Variants in DNTTIP2 observed in about 807,000 individuals in gnomAD.
DNTTIP2 encodes the protein deoxynucleotidyltransferase terminal-interacting protein 2.
Under a neutral mutation model 62.4 loss-of-function variants are expected in DNTTIP2, and 47 were observed. The observed-to-expected ratio is 0.75, with a 90% CI of 0.60 to 0.96. DNTTIP2 has a LOEUF of 0.96. DNTTIP2 is among the 40% of genes least tolerant of loss of function. The pLI, the probability that DNTTIP2 is intolerant of heterozygous loss-of-function variation, is 0.00. For synonymous variants in DNTTIP2, 322 were observed against 300.9 expected (o/e 1.07, Z -0.73); for missense variants, 870 against 849.1 (o/e 1.02, Z -0.31).
rs1474768997 is a variant in DNTTIP2 at position 93,867,728 on chromosome 1, CAGA to C, written c.*2120_*2122del. The C allele has an allele frequency of 6.6e-6, 1 of 151,996 alleles. No individual in the cohort carries two copies. The highest frequency in any genetic ancestry group is 1.5e-5 in the Non-Finnish European group (1 of 68,002). The allele number at this position is 151,996 out of a possible 1,614,324, so 9.4% of individuals were successfully genotyped here. On this transcript the variant is annotated 3_prime_UTR_variant, in exon 7 of 7. Transcript: ENST00000436063. ...AAATATCCAGGTATTTGTAGAAGGC[CAGA>C]AGCACTAAAGGATACAATTCTCTCA...
At position 93,868,137 on chromosome 1, in the gene DNTTIP2, A is replaced by C. The variant is rs1655767004; in HGVS notation, c.*1714T>G. The stretch of plus-strand genomic sequence containing the variant: ...AAAGGGCTAATATCCAGAATCTACA[A>C]AGAACTTAAACAAATTTACAAGAAA... On this transcript the variant is annotated 3_prime_UTR_variant, in exon 7 of 7. Transcript: ENST00000436063. The C allele has an allele frequency of 6.6e-6, 1 of 152,242 alleles. No individual in the cohort carries two copies. Among genetic ancestry groups the C allele is most frequent in the African/African-American group, 2.4e-5 (1 of 41,468 alleles). 9.4% of individuals were successfully genotyped at this position (152,242 alleles called of 1,614,324 possible). A position where few individuals can be genotyped will look rare whatever the true frequency, so the allele number is the denominator to read the frequency against.
At chr1:93,875,586 A>T in intron 3 of DNTTIP2, 59 bp downstream of exon 3, 1 of 1,540,748 alleles carries the variant, frequency 6.5e-7, no homozygotes. Flanking sequence ...TTTACCAAGG[A>T]CTAATTTCTA....
At chr1:93,874,165 T>C (rs753897501) in intron 3 of DNTTIP2, among the ~76,000 whole-genome samples, 2 of 152,214 alleles carry the variant, frequency 1.3e-5, no homozygotes, top group Non-Finnish European at 2.9e-5. Flanking sequence ...AGTACTGTAG[T>C]ACATTCAAGG....
At position 93,870,028 on chromosome 1, in the gene DNTTIP2, AGTG is replaced by A. The variant is rs376421573; in HGVS notation, c.2178-87_2178-85del. On this transcript the variant is annotated intron_variant, in intron 6 of 6. Transcript: ENST00000436063. The stretch of plus-strand genomic sequence containing the variant: ...ACCTTAGGGTAAAAGTTGGGAATGG[AGTG>A]GTGGACAAGACAAGTATAGTCTCTG... 1.6e-4 allele frequency: 108 copies of A among 684,800 alleles called. 1 individual carries two copies. The highest frequency in any genetic ancestry group is 1.3e-3 in the African/African-American group (72 of 56,326). 42.4% of individuals were successfully genotyped at this position (684,800 alleles called of 1,614,324 possible). A position where few individuals can be genotyped will look rare whatever the true frequency, so the allele number is the denominator to read the frequency against.
At chr1:93,872,737 T>C (rs1655899508) in intron 4 of DNTTIP2, among the ~76,000 whole-genome samples, 1 of 152,188 alleles carries the variant, frequency 6.6e-6, no homozygotes, top group Admixed American at 6.5e-5. Flanking sequence ...TTTTGTTTCA[T>C]TCATACAACA....
At position 93,876,935 on chromosome 1, in the gene DNTTIP2, A is replaced by C; in HGVS notation, c.1000T>G (p.Leu334Val). The C allele has an allele frequency of 6.2e-7, 1 of 1,613,668 alleles. No homozygotes were observed. ...GGGGTTGAATGTCTCTGAGAAACTA[A>C]CTGTTGAAGGCTAGTGTCCTGAAGT... ...SELQDTSLQQLVSQRHSTPQN... is the reference protein window; with the variant it reads ...SELQDTSLQQVVSQRHSTPQN... Residue 334 changes from leucine (L) to valine (V), a missense_variant, in exon 2 of 7, where the codon TTA (leucine) becomes GTA (valine). Physicochemically the swap from Leu to Val is conservative, Grantham distance 32. Transcript: ENST00000436063.
Position 93,869,645 on chromosome 1 carries a change from G to T in DNTTIP2, c.*206C>A. The T allele has an allele frequency of 2.2e-6, 1 of 456,938 alleles. No individual in the cohort carries two copies. Among genetic ancestry groups the T allele is most frequent in the East Asian group, 3.4e-5 (1 of 29,612 alleles). 28.3% of individuals were successfully genotyped at this position (456,938 alleles called of 1,614,324 possible). A position where few individuals can be genotyped will look rare whatever the true frequency, so the allele number is the denominator to read the frequency against. On this transcript the variant is annotated 3_prime_UTR_variant, in exon 7 of 7. Coordinates refer to ENST00000436063, the MANE Select transcript of DNTTIP2 (RefSeq NM_014597.5). ...TTTTTTTCCTTTTTTCCCATAAAGA[G>T]TCTACACCAGGGTGGGTCTTTTAGA...
rs546559622 is a variant in DNTTIP2, at chr1:93,871,465, G to C, written c.2067+607C>G. 3.0e-4 allele frequency among the ~76,000 whole-genome samples: 46 copies of C among 150,826 alleles called. 1 individual carries two copies. The South Asian group carries it at 4.4e-3, about 14-fold the overall frequency. On this transcript the variant is annotated intron_variant, in intron 5 of 6. Transcript: ENST00000436063. ...GACAATTTAGCTTGAATTTGTATGGGTAAAATTTCACCAAACAAACAAGAA... is the reference window on the plus strand; with the variant it reads ...GACAATTTAGCTTGAATTTGTATGGCTAAAATTTCACCAAACAAACAAGAA...
rs1655737063 is a variant in DNTTIP2, at chr1:93,866,989, C to A, written c.*2862G>T. 6.6e-6 allele frequency: 1 copy of A among 151,778 alleles called. No individual in the cohort carries two copies. The highest frequency in any genetic ancestry group is 2.4e-5 in the African/African-American group (1 of 41,282). The allele number at this position is 151,778 out of a possible 1,614,324, so 9.4% of individuals were successfully genotyped here. ...TGAAACCCCGTCTCTACTAAAAATA[C>A]AAAAATTAGCCGGGTGTGGTGGTGG... On this transcript the variant is annotated 3_prime_UTR_variant, in exon 7 of 7. Transcript: ENST00000436063.
chr1:93,877,776 C>T lies in DNTTIP2; in HGVS notation c.159G>A (p.Gly53=), dbSNP rs755318105. 6.8e-6 allele frequency: 11 copies of T among 1,611,696 alleles called. No individual in the cohort carries two copies. The Admixed American group carries it at 1.5e-4, about 22-fold the overall frequency. Residue 53 remains glycine (G), a synonymous_variant, in exon 2 of 7, where the codon GGG becomes GGA. Transcript: ENST00000436063. ...ARTTAESQTT[G]KQSLIPRTPK... is the part of the protein sequence containing the mutation. ...GAGTTCTAGGGATTAAACTTTGCTT[C>T]CCAGTGGTCTGTGATTCAGCAGTAG...
rs1003876618 is a variant in DNTTIP2, at chr1:93,869,198, C to T, written c.*653G>A. 1.4e-5 allele frequency: 1 copy of T among 70,688 alleles called. No homozygotes were observed. The highest frequency in any genetic ancestry group is 2.7e-5 in the Non-Finnish European group (1 of 37,134). The allele number at this position is 70,688 out of a possible 1,614,324, so 4.4% of individuals were successfully genotyped here. On this transcript the variant is annotated 3_prime_UTR_variant, in exon 7 of 7. Transcript: ENST00000436063. Reference sequence around the variant, plus strand: ...GTAAGCTGGGTTAACTTCGAAGAAACCCTGGCCAACTTAAATTATAGTTTA... The same window carrying T: ...GTAAGCTGGGTTAACTTCGAAGAAATCCTGGCCAACTTAAATTATAGTTTA...
At position 93,868,392 on chromosome 1, in the gene DNTTIP2, G is replaced by C. The variant is rs1451958032; in HGVS notation, c.*1459C>G. 6.6e-6 allele frequency: 1 copy of C among 152,222 alleles called. No individual in the cohort carries two copies. The highest frequency in any genetic ancestry group is 2.4e-5 in the African/African-American group (1 of 41,456). The allele number at this position is 152,222 out of a possible 1,614,324, so 9.4% of individuals were successfully genotyped here. On this transcript the variant is annotated 3_prime_UTR_variant, in exon 7 of 7. Coordinates refer to ENST00000436063, the MANE Select transcript of DNTTIP2 (RefSeq NM_014597.5). ...GGAGAACTAGGAACACTTTTACACT[G>C]TTGGTGGGAGTGTAAACTAGTTCAA...
intron 4 of DNTTIP2, among the ~76,000 whole-genome samples, 185 bp from the exon 5 acceptor site, chr1:93,872,421 C>T (rs945467436): frequency 7.9e-5 from 12 of 152,132 alleles, no homozygotes; most frequent in African/African-American, 2.9e-4. Flanking sequence ...GACTTCTCCG[C>T]TAAATTAGGG....
Position 93,876,343 on chromosome 1 carries a change from T to A in DNTTIP2, c.1592A>T (p.Asp531Val). The change falls in exon 2 of 7, where the codon GAT (aspartate) becomes GTT (valine). Residue 531 changes from aspartate to valine, a missense_variant. Physicochemically the swap from Asp to Val is radical, Grantham distance 152. Transcript: ENST00000436063. ...EEEEDEKSEE[D>V]SSDHDENEDE... ...TTCATTTTCGTCATGGTCTGATGAA[T>A]CTTCTTCACTTTTTTCATCCTCTTC... 1 of 1,555,732 alleles carries A rather than the reference T, an allele frequency of 6.4e-7. No individual in the cohort carries two copies. Among genetic ancestry groups the A allele is most frequent in the Non-Finnish European group, 8.7e-7 (1 of 1,148,822 alleles).
At chr1:93,879,038 T>A (rs756840872) in intron 1 of DNTTIP2, 39 bp downstream of exon 1, 4 of 1,610,250 alleles carry the variant, frequency 2.5e-6, no homozygotes, top group Non-Finnish European at 3.4e-6. Flanking sequence ...AGCGCGGCTC[T>A]GCGAAGCGGC....
At chr1:93,878,715 A>G (rs1656078008) in intron 1 of DNTTIP2, 4 of 180,058 alleles carry the variant, frequency 2.2e-5, no homozygotes, top group African/African-American at 9.4e-5. Flanking sequence ...GTGAAAACGA[A>G]GCTTTTTTTC....
chr1:93,877,526 CA>C lies in DNTTIP2; in HGVS notation c.408del (p.Glu137LysfsTer3). The C allele has an allele frequency of 6.2e-7, 1 of 1,614,018 alleles. No individual in the cohort carries two copies. Among genetic ancestry groups the C allele is most frequent in the Non-Finnish European group, 8.5e-7 (1 of 1,179,890 alleles). ...PKVTPTKESY[T>X]EEIVSEAESH... ...GATTCTGCTTCAGACACTATTTCTTCAGTGTAAGACTCCTTTGTTGGAGTTA... is the reference window on the plus strand; with the variant it reads ...GATTCTGCTTCAGACACTATTTCTTCGTGTAAGACTCCTTTGTTGGAGTTA... On this transcript the variant is annotated frameshift_variant, in exon 2 of 7. Transcript: ENST00000436063. LOFTEE classifies it high-confidence loss of function.
Position 93,876,651 on chromosome 1 carries a change from C to T in DNTTIP2, c.1284G>A (p.Thr428=), listed in dbSNP as rs180694931. Residue 428 remains threonine (T), a synonymous_variant, in exon 2 of 7, where the codon ACG becomes ACA. Coordinates refer to ENST00000436063, the MANE Select transcript of DNTTIP2 (RefSeq NM_014597.5). ...TACCCTGAGATGTGTTGGGCGCAGACGTGTATAGTTTGGTATCACATTCAA... is the reference window on the plus strand; with the variant it reads ...TACCCTGAGATGTGTTGGGCGCAGATGTGTATAGTTTGGTATCACATTCAA... ...VDFECDTKLY[T]SAPNTSQGKD... 19 of 1,613,902 alleles carry T rather than the reference C, an allele frequency of 1.2e-5. No homozygotes were observed. Among genetic ancestry groups the T allele is most frequent in the South Asian group, 3.3e-5 (3 of 91,090 alleles).
chr1:93,878,814 T>C (rs1571187237), intron 1 of DNTTIP2: 1 of 451,328 alleles, frequency 2.2e-6, no homozygotes, highest in East Asian at 3.8e-5. Context: ...GTTCGAACTG[T>C]GCTTCTGCAT....
Sources: allele counts gnomAD v4.1 joint callset (sites outside exome capture counted in the v4.1 genomes callset), GRCh38; gene constraint gnomAD v4.1.1; transcripts MANE v1.5; gene names NCBI Gene and HGNC (gene_info 2026-07-23, HGNC 2026-07-21).